PCLO: variants seen among roughly 807,000 people sequenced by gnomAD.
PCLO encodes the protein piccolo presynaptic cytomatrix protein.
PCLO carries 82 observed loss-of-function variants against 427.5 expected under a neutral mutation model. The ratio of observed to expected loss-of-function variants is 0.19; its 90% CI spans 0.16 to 0.23. The LOEUF (loss-of-function observed/expected upper bound fraction) is 0.23. Among genes scored for constraint, PCLO ranks in the 10% least tolerant of loss-of-function variants. The pLI is 1.00. For synonymous variants in PCLO, 2,357 were observed against 2,155.4 expected, an observed-to-expected ratio of 1.09 and a Z score of -2.59; for missense variants, 6,239 against 6,115.9, an observed-to-expected ratio of 1.02 and a Z score of -0.67.
At chr7:82,845,584 C>A in intron 12 of PCLO, 99 bp from the exon 13 acceptor site, 1 of 748,388 alleles carries the variant, frequency 1.3e-6, no homozygotes, top group Non-Finnish European at 2.2e-6. Context: ...AAAACATTAC[C>A]TATAAAATAA....
intron 4 of PCLO, among the ~76,000 whole-genome samples, chr7:82,958,763 A>G (rs2115599367): frequency 6.6e-6 from 1 of 152,300 alleles, no homozygotes; most frequent in East Asian, 1.9e-4. Context: ...CCTTTCTCAT[A>G]CTGAAGTGGC....
chr7:82,917,419 T>G (rs1020427870), intron 6 of PCLO, among the ~76,000 whole-genome samples: 5 of 152,224 alleles, frequency 3.3e-5, no homozygotes, highest in East Asian at 3.9e-4. Flanking sequence ...CAGTATAGTT[T>G]CTTTTTAATG....
intron 9 of PCLO, among the ~76,000 whole-genome samples, chr7:82,887,678 T>C (rs17156818): frequency 0.17 from 25,657 of 152,164 alleles, 2,658 homozygotes; most frequent in East Asian, 0.48. Context: ...CTTCCTTTGT[T>C]ACTGAGTAAA....
At chr7:83,053,907 T>C (rs1286771099) in intron 3 of PCLO, among the ~76,000 whole-genome samples, 1 of 151,866 alleles carries the variant, frequency 6.6e-6, no homozygotes, top group Non-Finnish European at 1.5e-5. Context: ...TGTTGAAATG[T>C]GGAAAAAACA....
intron 3 of PCLO, among the ~76,000 whole-genome samples, chr7:83,083,365 T>A (rs931899427): frequency 1.3e-5 from 2 of 151,988 alleles, no homozygotes; most frequent in African/African-American, 2.4e-5. Flanking sequence ...TTAAACAGTA[T>A]ACACAAAAAG....
chr7:82,884,837 G>A (rs1009704021), intron 9 of PCLO, among the ~76,000 whole-genome samples: 12 of 151,848 alleles, frequency 7.9e-5, no homozygotes, highest in African/African-American at 1.7e-4. Context: ...AAACACTTAT[G>A]AAACTCTACG....
rs564900631 is a variant in PCLO at position 82,940,686 on chromosome 7, CCTT to C, written c.11112+8787_11112+8789del. On this transcript the variant is annotated intron_variant, in intron 6 of 24. Coordinates refer to ENST00000333891, the MANE Select transcript of PCLO (RefSeq NM_033026.6). Reference sequence around the variant, plus strand: ...GCCATTTTATAAAATTAGAAGTACTCCTTTTTTTTTTAGCCAAAAATATACTGA... The same window carrying C: ...GCCATTTTATAAAATTAGAAGTACTCTTTTTTTTAGCCAAAAATATACTGA... Among the ~76,000 whole-genome samples the C allele has an allele frequency of 9.1e-3, 974 of 106,778 alleles. 9 individuals carry two copies. The highest frequency in any genetic ancestry group is 0.029 in the African/African-American group (923 of 31,650). 70.1% of individuals were successfully genotyped at this position (106,778 alleles called of 152,430 possible). A position where few individuals can be genotyped will look rare whatever the true frequency, so the allele number is the denominator to read the frequency against.
intron 3 of PCLO, among the ~76,000 whole-genome samples, chr7:83,074,215 C>G (rs914310366): frequency 5.3e-5 from 8 of 151,784 alleles, no homozygotes; most frequent in Non-Finnish European, 7.4e-5. Context: ...TTACAAGGTT[C>G]ATTCAGGCCA....
chr7:83,038,027 A>ATATATT lies in PCLO; in HGVS notation c.3301-71541_3301-71540insAATATA, dbSNP rs1372279746. On this transcript the variant is annotated intron_variant, in intron 3 of 24. Coordinates refer to ENST00000333891, the MANE Select transcript of PCLO (RefSeq NM_033026.6). ...TATATATATATATATATATATATAT[A>ATATATT]TATTTATATATTTATATATATATCT... Among the ~76,000 whole-genome samples the ATATATT allele has an allele frequency of 1.4e-4, 6 of 44,190 alleles. 1 individual carries two copies. The highest frequency in any genetic ancestry group is 2.2e-4 in the Non-Finnish European group (6 of 27,748). 29.0% of individuals were successfully genotyped at this position (44,190 alleles called of 152,430 possible).
At chr7:83,030,303 A>C (rs920812622) in intron 3 of PCLO, among the ~76,000 whole-genome samples, 1 of 152,064 alleles carries the variant, frequency 6.6e-6, no homozygotes, top group Non-Finnish European at 1.5e-5. Flanking sequence ...ATTTAAAAAA[A>C]CTCTACAGGG....
chr7:82,766,501 C>T (rs1790535083), intron 22 of PCLO, among the ~76,000 whole-genome samples: 1 of 151,978 alleles, frequency 6.6e-6, no homozygotes, highest in African/African-American at 2.4e-5. Flanking sequence ...ATCTCTCAAA[C>T]CATACCTGGG....
chr7:82,819,217 CTGTGT>C, intron 20 of PCLO, among the ~76,000 whole-genome samples: 1 of 151,962 alleles, frequency 6.6e-6, no homozygotes, highest in Admixed American at 6.6e-5. Flanking sequence ...TGAAAGCATG[CTGTGT>C]TATCTAGTTT....
In PCLO at chr7:82,756,192, G is replaced by A. The variant is rs1191328487; in HGVS notation, c.*2383C>T. ...GTGGCTGCAAAAGAGGATCAGAGAT[G>A]AGTCAGGGTTTTCTTTTAAGGGCAA... On this transcript the variant is annotated 3_prime_UTR_variant, in exon 25 of 25. Coordinates refer to ENST00000333891, the MANE Select transcript of PCLO (RefSeq NM_033026.6). The A allele has an allele frequency of 6.6e-6, 1 of 152,064 alleles. No individual in the cohort carries two copies. Among genetic ancestry groups the A allele is most frequent in the Non-Finnish European group, 1.5e-5 (1 of 68,012 alleles). 9.4% of individuals were successfully genotyped at this position (152,064 alleles called of 1,614,324 possible).
In PCLO at chr7:82,909,026, A is replaced by G; in HGVS notation, c.13301-13T>C. ...CGCAGATGATAGGCTTTGGACACCAAGGAAACATCATACATTGCAACGGCA... is the reference window on the plus strand; with the variant it reads ...CGCAGATGATAGGCTTTGGACACCAGGGAAACATCATACATTGCAACGGCA... On this transcript the variant is annotated splice_polypyrimidine_tract_variant and intron_variant, in intron 7 of 24. Coordinates refer to ENST00000333891, the MANE Select transcript of PCLO (RefSeq NM_033026.6). 6.2e-7 allele frequency: 1 copy of G among 1,611,880 alleles called. No homozygotes were observed. The highest frequency in any genetic ancestry group is 1.1e-5 in the South Asian group (1 of 91,010).
At chr7:82,906,709 T>C (rs568515111) in intron 8 of PCLO, among the ~76,000 whole-genome samples, 1 of 152,154 alleles carries the variant, frequency 6.6e-6, no homozygotes, top group Admixed American at 6.6e-5. Flanking sequence ...TTCCTTTTTT[T>C]GGCCTGTGTG....
chr7:83,161,096 G>A (rs1027838916), intron 1 of PCLO, among the ~76,000 whole-genome samples: 1 of 152,120 alleles, frequency 6.6e-6, no homozygotes, highest in African/African-American at 2.4e-5. Context: ...GTAGTTTCAA[G>A]ATAAACAGAC....
chr7:82,780,366 T>C (rs1200807049), intron 22 of PCLO, among the ~76,000 whole-genome samples: 1 of 152,236 alleles, frequency 6.6e-6, no homozygotes, highest in Non-Finnish European at 1.5e-5. Flanking sequence ...TGTGGACTAA[T>C]TGCTATGGTT....
intron 3 of PCLO, among the ~76,000 whole-genome samples, chr7:83,110,125 C>T (rs1173413302): frequency 6.6e-6 from 1 of 150,848 alleles, no homozygotes; most frequent in African/African-American, 2.4e-5. Flanking sequence ...TTACAATGTA[C>T]CATGTTTTCT....
intron 4 of PCLO, 79 bp from the exon 5 acceptor site, chr7:82,957,014 C>G (rs949949362): frequency 1.5e-6 from 2 of 1,348,848 alleles, no homozygotes; most frequent in Non-Finnish European, 1.9e-6. Flanking sequence ...TACCAAATAA[C>G]TATTAGGAAC....
Sources: gnomAD v4.1 joint callset for allele counts (sites outside exome capture counted in the v4.1 genomes callset) on GRCh38, gnomAD v4.1.1 for gene constraint, MANE v1.5 for transcripts, NCBI Gene and HGNC (gene_info 2026-07-23, HGNC 2026-07-21) for gene names.